The following TNIP3 variants were observed in gnomAD, a reference collection of about 807,000 sequenced individuals.
TNIP3 encodes the protein TNFAIP3-interacting protein 3.
TNIP3 carries 34 observed loss-of-function variants against 54.1 expected under a neutral mutation model. That is an observed-to-expected ratio of 0.63 (90% confidence interval 0.48 to 0.84). TNIP3 has a LOEUF of 0.84. Among genes scored for constraint, TNIP3 ranks in the 40% least tolerant of loss-of-function variants. TNIP3 has a pLI of 0.00. For synonymous variants in TNIP3, 134 were observed against 136.8 expected (o/e 0.98, Z 0.14); for missense variants, 366 against 387.6 (o/e 0.94, Z 0.47).
At chr4:121,182,584 A>T in intron 3 of TNIP3, 1 of 1,426,084 alleles carries the variant, frequency 7.0e-7, no homozygotes, top group Middle Eastern at 2.5e-4. Flanking sequence ...GACTGACGGT[A>T]AATGACTTGG....
intron 2 of TNIP3, among the ~76,000 whole-genome samples, chr4:121,200,371 T>G (rs1380185353): frequency 1.3e-5 from 2 of 152,310 alleles, no homozygotes; most frequent in South Asian, 2.1e-4. Context: ...GGGCCCTCAG[T>G]AGACTTTATT....
intron 3 of TNIP3, among the ~76,000 whole-genome samples, chr4:121,176,858 G>A (rs1579445058): frequency 6.6e-6 from 1 of 152,114 alleles, no homozygotes; most frequent in African/African-American, 2.4e-5. Context: ...TTTTTACCTT[G>A]GGAAGAGTGT....
chr4:121,196,725 TA>T (rs1287937576), intron 2 of TNIP3, among the ~76,000 whole-genome samples: 1 of 152,020 alleles, frequency 6.6e-6, no homozygotes, highest in Non-Finnish European at 1.5e-5. Context: ...AAAAAGCAAG[TA>T]CTTTAATCTT....
At position 121,161,184 on chromosome 4, in the gene TNIP3, C is replaced by A. The variant is rs187577102; in HGVS notation, c.99G>T (p.Met33Ile). 9.1e-5 allele frequency: 144 copies of A among 1,586,668 alleles called. No homozygotes were observed. The African/African-American group carries it at 1.5e-3, about 16-fold the overall frequency. ...ACCTTATCTTTTGTTCAAGAGAATT[C>A]ATCAAGTTCTTTCTTGTTGATGGTT... The part of the protein sequence containing the change: ...CAEPSTRKNL[M>I]NSLEQKIRCL... The change falls in exon 2 of 11, where the codon ATG (methionine) becomes ATT (isoleucine). Residue 33 changes from methionine (M) to isoleucine (I), a missense_variant. Transcript: ENST00000057513.
intron 2 of TNIP3, among the ~76,000 whole-genome samples, chr4:121,213,733 A>C (rs1003689954): frequency 6.6e-6 from 1 of 151,824 alleles, no homozygotes; most frequent in Non-Finnish European, 1.5e-5. Flanking sequence ...TCTCAAAAAA[A>C]AAAAAAACAA....
upstream of TNIP3, among the ~76,000 whole-genome samples, chr4:121,165,659 TTGTG>T (rs67730856): frequency 0.028 from 4,147 of 146,764 alleles, 76 homozygotes; most frequent in African/African-American, 0.043. Flanking sequence ...TTTTGCTAGT[TTGTG>T]TGTGTGTGTG....
At chr4:121,152,112 A>G (rs754522908) in intron 5 of TNIP3, among the ~76,000 whole-genome samples, 3 of 152,208 alleles carry the variant, frequency 2.0e-5, no homozygotes, top group Non-Finnish European at 2.9e-5. Flanking sequence ...TATGTTAATT[A>G]CAAGGCTGAC....
chr4:121,143,287 C>T (rs932517776), intron 7 of TNIP3, among the ~76,000 whole-genome samples: 1 of 152,148 alleles, frequency 6.6e-6, no homozygotes, highest in Non-Finnish European at 1.5e-5. Flanking sequence ...ACTGCTATAT[C>T]CCACAGCTTC....
At chr4:121,188,249 T>G (rs1725123872) in intron 2 of TNIP3, among the ~76,000 whole-genome samples, 1 of 152,048 alleles carries the variant, frequency 6.6e-6, no homozygotes, top group African/African-American at 2.4e-5. Context: ...AGAAATGATA[T>G]TAATATGAAT....
At chr4:121,203,163 T>C (rs1349795517) in intron 2 of TNIP3, among the ~76,000 whole-genome samples, 1 of 151,424 alleles carries the variant, frequency 6.6e-6, no homozygotes, top group African/African-American at 2.4e-5. Flanking sequence ...ACTGCAAAAA[T>C]ATGAAACCAG....
intron 2 of TNIP3, among the ~76,000 whole-genome samples, chr4:121,205,821 T>C (rs1726151719): frequency 6.6e-6 from 1 of 152,166 alleles, no homozygotes; most frequent in South Asian, 2.1e-4. Flanking sequence ...CATGCTGCTA[T>C]GAAGAAATAC....
At chr4:121,183,147 A>G (rs996450715) in intron 2 of TNIP3, among the ~76,000 whole-genome samples, 1 of 152,250 alleles carries the variant, frequency 6.6e-6, no homozygotes, top group African/African-American at 2.4e-5. Context: ...TGTCCCAGGC[A>G]TTAGACAGGT....
chr4:121,173,765 G>T (rs979993853), intron 3 of TNIP3, among the ~76,000 whole-genome samples: 5 of 152,048 alleles, frequency 3.3e-5, no homozygotes, highest in African/African-American at 1.2e-4. Context: ...AGCAGCTGGG[G>T]TTACAGGTGT....
chr4:121,161,012 C>T, intron 2 of TNIP3, 124 bp downstream of exon 2: 3 of 750,064 alleles, frequency 4.0e-6, no homozygotes, highest in Non-Finnish European at 4.4e-6. Context: ...ATAGTGCAGT[C>T]CAGTATCTTA....
chr4:121,166,394 C>T (rs915500801), upstream of TNIP3, among the ~76,000 whole-genome samples: 3 of 152,192 alleles, frequency 2.0e-5, no homozygotes, highest in African/African-American at 4.8e-5. Context: ...GTTACATATG[C>T]TCTGTTCACT....
At chr4:121,142,640 G>T in intron 8 of TNIP3, 86 bp downstream of exon 8, 1 of 1,238,914 alleles carries the variant, frequency 8.1e-7, no homozygotes, top group Non-Finnish European at 1.2e-6. Context: ...GTCACCTGTA[G>T]CAGAGCTTGA....
At position 121,176,217 on chromosome 4, in the gene TNIP3, T is replaced by A. The variant is rs190551129; in HGVS notation, c.189+6459A>T. 5.9e-5 allele frequency among the ~76,000 whole-genome samples: 9 copies of A among 152,366 alleles called. No homozygotes were observed. In the East Asian group the frequency reaches 1.3e-3, roughly 23 times the overall value. ...GCTCATTTAAATAACTTCACCCATG[T>A]TGCCAGTAATGAGCGTCAAATGCCA... On this transcript the variant is annotated intron_variant, in intron 3 of 12. Coordinates refer to the TNIP3 transcript ENST00000507879.
At chr4:121,162,363 C>A (rs920057785) in intron 1 of TNIP3, among the ~76,000 whole-genome samples, 2 of 152,078 alleles carry the variant, frequency 1.3e-5, no homozygotes, top group South Asian at 2.1e-4. Context: ...CAATTAAGAC[C>A]ACATTTAAAA....
At chr4:121,176,677 A>T (rs1409933653) in intron 3 of TNIP3, among the ~76,000 whole-genome samples, 1 of 150,738 alleles carries the variant, frequency 6.6e-6, no homozygotes, top group Non-Finnish European at 1.5e-5. Flanking sequence ...AACAGCTTTC[A>T]AAAAAAGGGA....
Sources: gnomAD v4.1 joint callset for allele counts (sites outside exome capture counted in the v4.1 genomes callset) on GRCh38, gnomAD v4.1.1 for gene constraint, MANE v1.5 for transcripts, NCBI Gene and HGNC (gene_info 2026-07-23, HGNC 2026-07-21) for gene names.